TBC1D9B: variants seen among roughly 807,000 people sequenced by gnomAD.
TBC1D9B encodes the protein TBC1 domain family member 9B.
TBC1D9B carries 87 observed loss-of-function variants against 121.1 expected under a neutral mutation model. That is an observed-to-expected ratio of 0.72 (90% CI 0.60 to 0.86). TBC1D9B has a LOEUF of 0.86. Among genes scored for constraint, TBC1D9B ranks in the 40% least tolerant of loss-of-function variants. The pLI, the probability that TBC1D9B is intolerant of heterozygous loss-of-function variation, is 0.00. For synonymous variants in TBC1D9B, 668 were observed against 670.1 expected (o/e 1.00, Z 0.05); for missense variants, 1,540 against 1,628.6 (o/e 0.95, Z 0.94).
At chr5:179,884,051 C>A (rs1414846897) in intron 7 of TBC1D9B, among the ~76,000 whole-genome samples, 1 of 152,158 alleles carries the variant, frequency 6.6e-6, no homozygotes, top group Non-Finnish European at 1.5e-5. Flanking sequence ...TCTTGTCTTT[C>A]AGAAGAGAAG....
In TBC1D9B at chr5:179,894,458, C is replaced by A; in HGVS notation, c.505G>T (p.Val169Leu). ...AGGTACAGCCAGCCCTGCCGGGGCA[C>A]GCGGCCCTTCCAGTAGCTGCAGGAG... ...YYSCSYWKGR[V>L]PRQGWLYLTV... The change falls in exon 4 of 21, where the codon GTG (valine) becomes TTG (leucine). Residue 169 changes from valine (V) to leucine (L), a missense_variant. Transcript: ENST00000355235. 1.2e-6 allele frequency: 2 copies of A among 1,614,172 alleles called. No individual in the cohort carries two copies. Among genetic ancestry groups the A allele is most frequent in the Non-Finnish European group, 1.7e-6 (2 of 1,180,004 alleles).
rs1392007978 is a variant in TBC1D9B at position 179,873,263 on chromosome 5, G to C, written c.2187-15C>G. ...TATCCAGGTATCTGCAAAGGACAGA[G>C]GACAACAGTCCAGACCACGCCCAGG... On this transcript the variant is annotated splice_polypyrimidine_tract_variant and intron_variant, in intron 12 of 20. Coordinates refer to ENST00000355235, the MANE Select transcript of TBC1D9B (RefSeq NM_015043.4). The C allele has an allele frequency of 1.9e-6, 3 of 1,590,088 alleles. No homozygotes were observed. Among genetic ancestry groups the C allele is most frequent in the African/African-American group, 2.7e-5 (2 of 74,632 alleles).
chr5:179,871,385 T>A, intron 15 of TBC1D9B, 77 bp downstream of exon 15: 1 of 1,404,284 alleles, frequency 7.1e-7, no homozygotes, highest in Non-Finnish European at 1.0e-6. Context: ...TCTAAGAGGA[T>A]ACTCTTAGAT....
chr5:179,871,671 C>G (rs1454782887), intron 14 of TBC1D9B, 141 bp from the exon 15 acceptor site: 4 of 816,482 alleles, frequency 4.9e-6, no homozygotes, highest in South Asian at 4.8e-5. Flanking sequence ...AAGGGCGGAC[C>G]CTTCGGGAGA....
chr5:179,889,036 CTT>C (rs111357925), intron 6 of TBC1D9B, among the ~76,000 whole-genome samples: 1 of 145,568 alleles, frequency 6.9e-6, no homozygotes. Context: ...TGAGTGTGCA[CTT>C]TTTTTTTTTT....
rs753924733 is a variant in TBC1D9B at position 179,888,210 on chromosome 5, G to A, written c.1147C>T (p.Arg383Cys). The A allele has an allele frequency of 1.5e-5, 24 of 1,612,222 alleles. No homozygotes were observed. The highest frequency in any genetic ancestry group is 4.4e-5 in the South Asian group (4 of 90,944). The change falls in exon 7 of 21, where the codon CGT (arginine) becomes TGT (cysteine). Residue 383 changes from arginine (R) to cysteine (C), a missense_variant. Arg to Cys is a radical substitution (Grantham distance 180). Coordinates refer to ENST00000355235, the MANE Select transcript of TBC1D9B (RefSeq NM_015043.4). ...MTFLFANLKD[R>C]DFLVQRISDF... ...GAGATCCTCTGCACCAAGAAATCAC[G>A]GTCTTTCAGGTTGGCAAACAGGAAT...
intron 3 of TBC1D9B, among the ~76,000 whole-genome samples, chr5:179,894,889 G>A (rs1313719769): frequency 6.6e-6 from 1 of 152,164 alleles, no homozygotes; most frequent in Non-Finnish European, 1.5e-5. Context: ...TTAAGACAGG[G>A]TCTCACTCTG....
At position 179,862,794 on chromosome 5, in the gene TBC1D9B, A is replaced by G. The variant is rs1435177380; in HGVS notation, c.*654T>C. ...TTGAGCACAGTGTAATTTCTAGCCA[A>G]GTGAAATGAATCCAAGGAAATATAT... On this transcript the variant is annotated 3_prime_UTR_variant, in exon 21 of 21. Transcript: ENST00000355235. 2.9e-6 allele frequency: 1 copy of G among 340,100 alleles called. No homozygotes were observed. Among genetic ancestry groups the G allele is most frequent in the Admixed American group, 3.7e-5 (1 of 26,908 alleles). 21.1% of individuals were successfully genotyped at this position (340,100 alleles called of 1,614,324 possible).
In TBC1D9B at chr5:179,862,755, GATTT is replaced by G. The variant is rs1465444785; in HGVS notation, c.*689_*692del. 7 of 370,612 alleles carry G rather than the reference GATTT, an allele frequency of 1.9e-5. No homozygotes were observed. Among genetic ancestry groups the G allele is most frequent in the African/African-American group, 1.0e-4 (5 of 47,748 alleles). 23.0% of individuals were successfully genotyped at this position (370,612 alleles called of 1,614,324 possible). A position where few individuals can be genotyped will look rare whatever the true frequency, so the allele number is the denominator to read the frequency against. On this transcript the variant is annotated 3_prime_UTR_variant, in exon 21 of 21. Coordinates refer to ENST00000355235, the MANE Select transcript of TBC1D9B (RefSeq NM_015043.4). ...CACAGTGGTTTTTATTTCTTTCAGGGATTTATTAAGGCATTGAGCACAGTGTAAT... is the reference window on the plus strand; with the variant it reads ...CACAGTGGTTTTTATTTCTTTCAGGGATTAAGGCATTGAGCACAGTGTAAT...
In TBC1D9B at chr5:179,903,511, A is replaced by C. The variant is rs745485713; in HGVS notation, c.229+1191T>G. On this transcript the variant is annotated intron_variant, in intron 2 of 20. Transcript: ENST00000355235. ...GTGGCCGCGAACACTGAGTTAGCGA[A>C]TCCTGAACCAGTACCCCGGGGGAAC... is the stretch of plus-strand genomic sequence containing the variant. 9.2e-5 allele frequency among the ~76,000 whole-genome samples: 14 copies of C among 152,294 alleles called. No homozygotes were observed. The South Asian group carries it at 1.5e-3, about 16-fold the overall frequency.
Position 179,899,216 on chromosome 5 carries a change from G to C in TBC1D9B, c.321C>G (p.Ile107Met). 1 of 1,613,932 alleles carries C rather than the reference G, an allele frequency of 6.2e-7. No individual in the cohort carries two copies. The highest frequency in any genetic ancestry group is 1.1e-5 in the South Asian group (1 of 91,048). ...GTATCTTGCCCTTGACGAAGGTGGT[G>C]ATATCTTCCTCACTGTCGAAGATGG... Reference protein sequence around the residue: ...TLSIFDSEEDITTFVKGKIHG... With the variant: ...TLSIFDSEEDMTTFVKGKIHG... Residue 107 changes from isoleucine (I) to methionine (M), a missense_variant, in exon 3 of 21, where the codon ATC (isoleucine) becomes ATG (methionine). Ile to Met is a conservative substitution (Grantham distance 10). Coordinates refer to ENST00000355235, the MANE Select transcript of TBC1D9B (RefSeq NM_015043.4).
In TBC1D9B at chr5:179,873,159, G is replaced by A; in HGVS notation, c.2276C>T (p.Ala759Val). 1.2e-6 allele frequency: 2 copies of A among 1,613,064 alleles called. No homozygotes were observed. Among genetic ancestry groups the A allele is most frequent in the Non-Finnish European group, 1.7e-6 (2 of 1,179,634 alleles). ...ALLSSSDDPP[A>V]EVDIFELLKV... ...CAGGAGCTCAAAGATGTCCACCTCT[G>A]CAGGGGGGTCATCGCTGCTGCTCAG... The change falls in exon 13 of 21, where the codon GCA becomes GTA. Residue 759 changes from alanine to valine, a missense_variant. Coordinates refer to ENST00000355235, the MANE Select transcript of TBC1D9B (RefSeq NM_015043.4).
chr5:179,867,175 C>A, intron 18 of TBC1D9B: 1 of 407,960 alleles, frequency 2.5e-6, no homozygotes, highest in Non-Finnish European at 4.5e-6. Flanking sequence ...TTCCTACTCA[C>A]AGGAAGACAG....
Position 179,879,034 on chromosome 5 carries a change from G to C in TBC1D9B, c.1567+13C>G. 1 of 1,598,434 alleles carries C rather than the reference G, an allele frequency of 6.3e-7. No individual in the cohort carries two copies. Among genetic ancestry groups the C allele is most frequent in the Non-Finnish European group, 8.5e-7 (1 of 1,178,672 alleles). On this transcript the variant is annotated intron_variant, in intron 9 of 20. Transcript: ENST00000355235. ...GGCTGAGCTGAGGCTGGGGGTGGCT[G>C]CACCCCACTCACCGGAGAAGAGGAG...
At position 179,864,065 on chromosome 5, in the gene TBC1D9B, C is replaced by T. The variant is rs753844953; in HGVS notation, c.3085G>A (p.Asp1029Asn). 17 of 1,613,676 alleles carry T rather than the reference C, an allele frequency of 1.1e-5. No homozygotes were observed. Among genetic ancestry groups the T allele is most frequent in the Non-Finnish European group, 1.4e-5 (16 of 1,180,020 alleles). The stretch of plus-strand genomic sequence containing the variant: ...ACGGTGGCGATGGCGTGGTACAGGT[C>T]CTGCTCCATGGGGTCTTCACTGAAC... ...NMFSEDPMEQ[D>N]LYHAIATVAS... Residue 1029 changes from aspartate to asparagine, a missense_variant, in exon 21 of 21, where the codon GAC (aspartate) becomes AAC (asparagine). Transcript: ENST00000355235.
Position 179,893,194 on chromosome 5 carries a change from T to C in TBC1D9B, c.836+15A>G, listed in dbSNP as rs751200367. The C allele has an allele frequency of 6.3e-7, 1 of 1,592,366 alleles. No homozygotes were observed. Among genetic ancestry groups the C allele is most frequent in the East Asian group, 2.2e-5 (1 of 44,502 alleles). On this transcript the variant is annotated intron_variant, in intron 5 of 20. Coordinates refer to ENST00000355235, the MANE Select transcript of TBC1D9B (RefSeq NM_015043.4). The stretch of plus-strand genomic sequence containing the variant: ...GGCTCACATGAGCCCACCCCAGCCC[T>C]GGAGGGCAACGCACCGCTTCAGGGC...
rs767743352 is a variant in TBC1D9B, at chr5:179,888,280, G to A, written c.1077C>T (p.Ser359=). 17 of 1,609,942 alleles carry A rather than the reference G, an allele frequency of 1.1e-5. No individual in the cohort carries two copies. The highest frequency in any genetic ancestry group is 1.7e-4 in the Middle Eastern group (1 of 6,048). Residue 359 remains serine (S), a synonymous_variant, in exon 7 of 21, where the codon AGC becomes AGT. Transcript: ENST00000355235. Reference sequence around the variant, plus strand: ...TGATGGACAGGGGGCTGGGCAGCACGCTGGAGCTGTCAGCTTTTTCGACAA... The same window carrying A: ...TGATGGACAGGGGGCTGGGCAGCACACTGGAGCTGTCAGCTTTTTCGACAA... ...VTIVEKADSS[S]VLPSPLSIST... is the part of the protein sequence containing the mutation.
chr5:179,888,712 G>C (rs973804936), intron 6 of TBC1D9B, among the ~76,000 whole-genome samples: 7 of 152,160 alleles, frequency 4.6e-5, no homozygotes, highest in African/African-American at 1.7e-4. Context: ...GCTTGGCTCT[G>C]AACCCCTCTG....
intron 3 of TBC1D9B, among the ~76,000 whole-genome samples, chr5:179,897,134 C>A (rs914861840): frequency 1.1e-4 from 16 of 151,886 alleles, no homozygotes; most frequent in African/African-American, 3.6e-4. Context: ...GTCTCGATCT[C>A]CTGACCTCGT....
Sources: gnomAD v4.1 joint callset for allele counts (sites outside exome capture counted in the v4.1 genomes callset) on GRCh38, gnomAD v4.1.1 for gene constraint, MANE v1.5 for transcripts, NCBI Gene and HGNC (gene_info 2026-07-23, HGNC 2026-07-21) for gene names.